MAP3K13: variants seen among roughly 807,000 people sequenced by gnomAD.
MAP3K13 encodes leucine zipper-bearing kinase.
MAP3K13 carries 52 observed loss-of-function variants against 104.0 expected under a neutral mutation model. The observed-to-expected ratio is 0.50, with a 90% CI of 0.40 to 0.63. The LOEUF is 0.63. MAP3K13 is among the 20% of genes least tolerant of loss of function. The pLI, the probability that MAP3K13 is intolerant of heterozygous loss-of-function variation, is 0.00. For missense variants in MAP3K13, 914 were observed against 1,218.5 expected (o/e 0.75, Z 3.72); for synonymous variants, 394 against 442.2 (o/e 0.89, Z 1.37).
At chr3:185,455,028 GAT>G (rs1420814824) in intron 7 of MAP3K13, among the ~76,000 whole-genome samples, 5 of 102,954 alleles carry the variant, frequency 4.9e-5, no homozygotes, top group Admixed American at 1.3e-4. Context: ...ATATATATGA[GAT>G]ATATATGATA....
At chr3:185,364,237 C>T (rs1180845592) in intron 1 of MAP3K13, among the ~76,000 whole-genome samples, 1 of 152,158 alleles carries the variant, frequency 6.6e-6, no homozygotes, top group Non-Finnish European at 1.5e-5. Flanking sequence ...GTAGTTTTAA[C>T]AAAAAGTTAC....
Position 185,450,362 on chromosome 3 carries a change from G to GCTAGTCCTAATGGA in MAP3K13, c.1169+308_1169+321dup, listed in dbSNP as rs1715814982. Among the ~76,000 whole-genome samples, 1 of 152,284 alleles carries GCTAGTCCTAATGGA rather than the reference G, an allele frequency of 6.6e-6. No homozygotes were observed. The highest frequency in any genetic ancestry group is 2.4e-5 in the African/African-American group (1 of 41,556). On this transcript the variant is annotated intron_variant, in intron 6 of 13. Coordinates refer to ENST00000265026, the MANE Select transcript of MAP3K13 (RefSeq NM_004721.5). The surrounding 1 kb of genome is among the most constrained non-coding windows in gnomAD (Gnocchi z 4.2). ...GGTCAATGATAGCTACTATTTCTTTGCTAGTCCTAATGGACTATTATTAAA... is the reference window on the plus strand; with the variant it reads ...GGTCAATGATAGCTACTATTTCTTTGCTAGTCCTAATGGACTAGTCCTAATGGACTATTATTAAA...
chr3:185,354,069 A>G (rs1214977922), intron 2 of MAP3K13, among the ~76,000 whole-genome samples: 1 of 152,128 alleles, frequency 6.6e-6, no homozygotes, highest in Non-Finnish European at 1.5e-5. Flanking sequence ...CAACTTGCCA[A>G]AGATAAGTAA....
rs561812430 is a variant in MAP3K13 at position 185,348,711 on chromosome 3, G to A, written c.-86+63068G>A. ...AGGCGGGTGGATCACGAGATCAAGA[G>A]ATCGAGACCATCCTGGCCAACATGG... On this transcript the variant is annotated intron_variant, in intron 2 of 14. Transcript: ENST00000424227. 2.0e-5 allele frequency among the ~76,000 whole-genome samples: 3 copies of A among 152,288 alleles called. No individual in the cohort carries two copies. In the East Asian group the frequency reaches 5.8e-4, roughly 29 times the overall value.
chr3:185,370,488 G>A (rs1577474117), intron 1 of MAP3K13, among the ~76,000 whole-genome samples: 2 of 151,964 alleles, frequency 1.3e-5, no homozygotes, highest in Admixed American at 6.6e-5. Context: ...GACCCACTGC[G>A]CCCGGTCCTT....
chr3:185,349,221 C>T (rs1173920201), intron 2 of MAP3K13, among the ~76,000 whole-genome samples: 1 of 151,864 alleles, frequency 6.6e-6, no homozygotes, highest in Non-Finnish European at 1.5e-5. Context: ...CTATTGAACC[C>T]ATCATGCTAA....
intron 7 of MAP3K13, among the ~76,000 whole-genome samples, chr3:185,452,539 C>G (rs923239056): frequency 5.3e-5 from 8 of 152,116 alleles, no homozygotes; most frequent in Non-Finnish European, 1.0e-4. Context: ...CTGGCCCCAT[C>G]CCAAAACTTA....
chr3:185,358,250 A>G (rs1337137501), upstream of MAP3K13, among the ~76,000 whole-genome samples: 1 of 152,158 alleles, frequency 6.6e-6, no homozygotes, highest in African/African-American at 2.4e-5. Context: ...AAAAAATGAA[A>G]ATTCAGTGGA....
intron 2 of MAP3K13, among the ~76,000 whole-genome samples, chr3:185,356,806 G>A (rs1723372656): frequency 6.6e-6 from 1 of 152,100 alleles, no homozygotes. Context: ...GAACCATATG[G>A]ACTAAAAGTG....
chr3:185,302,727 A>T (rs1052867517), intron 2 of MAP3K13, among the ~76,000 whole-genome samples: 5 of 152,126 alleles, frequency 3.3e-5, no homozygotes, highest in Non-Finnish European at 5.9e-5. Flanking sequence ...GAATTCATTA[A>T]TTTTTTGTGG....
Position 185,477,458 on chromosome 3 carries a change from G to T in MAP3K13, c.2501+62G>T, listed in dbSNP as rs191675354. On this transcript the variant is annotated intron_variant, in intron 12 of 13. Transcript: ENST00000265026. Reference sequence around the variant, plus strand: ...AATGGGGAAAAAAAATCCTAAGTTTGCCACACCTGCTCTTCAACCACAGGT... The same window carrying T: ...AATGGGGAAAAAAAATCCTAAGTTTTCCACACCTGCTCTTCAACCACAGGT... 98 of 1,229,288 alleles carry T rather than the reference G, an allele frequency of 8.0e-5. 1 individual carries two copies. Among genetic ancestry groups the T allele is most frequent in the Admixed American group, 3.4e-4 (20 of 58,700 alleles). 76.1% of individuals were successfully genotyped at this position (1,229,288 alleles called of 1,614,324 possible).
In MAP3K13 at chr3:185,423,247, C is replaced by T. The variant is rs761237839; in HGVS notation, c.-85-5250C>T. ...TTGAAACCATCCCCCCTGCCTGGTC[C>T]GTGGAAGTAGTGTCTTCCACAAAAC... On this transcript the variant is annotated intron_variant, in intron 1 of 13. Coordinates refer to ENST00000265026, the MANE Select transcript of MAP3K13 (RefSeq NM_004721.5). The surrounding 1 kb of genome is among the most constrained non-coding windows in gnomAD (Gnocchi z 4.1). Among the ~76,000 whole-genome samples the T allele has an allele frequency of 1.3e-5, 2 of 152,178 alleles. No homozygotes were observed. Among genetic ancestry groups the T allele is most frequent in the Admixed American group, 6.6e-5 (1 of 15,266 alleles).
chr3:185,415,032 C>T (rs1177503747), intron 1 of MAP3K13, among the ~76,000 whole-genome samples: 2 of 152,164 alleles, frequency 1.3e-5, no homozygotes, highest in Non-Finnish European at 2.9e-5. Flanking sequence ...TTTTAAAAGA[C>T]TTTTCCTCCT....
chr3:185,329,121 A>ATT, intron 2 of MAP3K13: 1 of 643,222 alleles, frequency 1.6e-6, no homozygotes. Context: ...CAGTAGTTTT[A>ATT]TTTTTTTTTA....
At chr3:185,467,310 C>T (rs1717499928) in intron 10 of MAP3K13, among the ~76,000 whole-genome samples, 1 of 152,206 alleles carries the variant, frequency 6.6e-6, no homozygotes, top group Admixed American at 6.5e-5. Flanking sequence ...AATTACAGCA[C>T]ATGAGATTTC....
intron 1 of MAP3K13, among the ~76,000 whole-genome samples, chr3:185,283,890 CTTTCTTTCTTTTTT>C (rs1344990654): frequency 2.1e-5 from 3 of 143,218 alleles, no homozygotes; most frequent in African/African-American, 7.9e-5. Context: ...CTTTTTCTTT[CTTTCTTTCTTTTTT>C]TTTTTTTTTT....
rs932957714 is a variant in MAP3K13 at position 185,482,538 on chromosome 3, C to A, written c.*82C>A. 1.1e-5 allele frequency: 11 copies of A among 1,032,320 alleles called. No homozygotes were observed. The highest frequency in any genetic ancestry group is 1.2e-5 in the Non-Finnish European group (8 of 670,902). 63.9% of individuals were successfully genotyped at this position (1,032,320 alleles called of 1,614,324 possible). A position where few individuals can be genotyped will look rare whatever the true frequency, so the allele number is the denominator to read the frequency against. On this transcript the variant is annotated 3_prime_UTR_variant, in exon 14 of 14. Transcript: ENST00000265026. The surrounding 1 kb of genome is among the most constrained non-coding windows in gnomAD (Gnocchi z 4.5). ...CACCCCCAGACTCATCCCACTCTCT[C>A]CCAGCATTTTGTCTGGGAAGAGAGA...
rs1553811796 is a variant in MAP3K13, at chr3:185,471,309, T to TC, written c.1644-1666_1644-1665insC. Among the ~76,000 whole-genome samples the TC allele has an allele frequency of 4.1e-3, 204 of 50,180 alleles. 5 individuals carry two copies. The highest frequency in any genetic ancestry group is 0.011 in the Middle Eastern group (1 of 92). The allele number at this position is 50,180 out of a possible 152,430, so 32.9% of individuals were successfully genotyped here. A position where few individuals can be genotyped will look rare whatever the true frequency, so the allele number is the denominator to read the frequency against. On this transcript the variant is annotated intron_variant, in intron 10 of 13. Transcript: ENST00000265026. ...AAAACTGTTGCCATGACCTTTGCTT[T>TC]TTTTTTTTTTTTTTTTTGTAGAGAT...
chr3:185,473,512 C>A lies in MAP3K13; in HGVS notation c.2181C>A (p.Asp727Glu). The change falls in exon 11 of 14, where the codon GAC (aspartate) becomes GAA (glutamate). Residue 727 changes from aspartate (D) to glutamate (E), a missense_variant. Physicochemically the swap from Asp to Glu is conservative, Grantham distance 45 (BLOSUM62 2). Around this residue, in one of 3 missense-constraint regions of MAP3K13, gnomAD observed 583 missense variants for 737.4 expected, o/e 0.79. Transcript: ENST00000265026. This position sits in a 1 kb window ranked among gnomAD's most constrained non-coding sequence, Gnocchi z 4.9. ...QAGPWGCCQA[D>E]AYDPCLQCRP... ...GTCCCTGGGGCTGTTGCCAGGCTGA[C>A]GCTTATGACCCCTGCCTTCAGTGCA... 1 of 1,614,232 alleles carries A rather than the reference C, an allele frequency of 6.2e-7. No homozygotes were observed. The highest frequency in any genetic ancestry group is 8.5e-7 in the Non-Finnish European group (1 of 1,180,052).
Sources: gnomAD v4.1 joint callset for allele counts (sites outside exome capture counted in the v4.1 genomes callset) on GRCh38, gnomAD v4.1.1 for gene constraint, gnomAD v4.1.1 regional missense constraint, Gnocchi (gnomAD v3.1) non-coding constraint, MANE v1.5 for transcripts, NCBI Gene and HGNC (gene_info 2026-07-23, HGNC 2026-07-21) for gene names.